The following DOCK2 variants were observed in gnomAD, a reference collection of about 807,000 sequenced individuals.
DOCK2 encodes the protein dedicator of cytokinesis 2.
A neutral mutation model predicts 248.9 loss-of-function variants in DOCK2; 87 were observed. The observed-to-expected ratio is 0.35, with a 90% CI of 0.29 to 0.42. The LOEUF (loss-of-function observed/expected upper bound fraction) is 0.42. Ranked by LOEUF, DOCK2 falls within the 10% of genes least tolerant of loss-of-function variation. DOCK2 has a pLI of 1.00. For synonymous variants in DOCK2, 805 were observed against 821.6 expected, an observed-to-expected ratio of 0.98 and a Z score of 0.35; for missense variants, 1,747 against 2,300.2, an observed-to-expected ratio of 0.76 and a Z score of 4.92.
intron 14 of DOCK2, among the ~76,000 whole-genome samples, chr5:169,705,913 A>C (rs1761232462): frequency 6.6e-6 from 1 of 152,224 alleles, no homozygotes; most frequent in African/African-American, 2.4e-5. Flanking sequence ...ACTGACCTGA[A>C]GTCTCCCACA....
intron 48 of DOCK2, 137 bp downstream of exon 48, chr5:170,077,974 C>A: frequency 1.4e-6 from 1 of 739,214 alleles, no homozygotes; most frequent in Non-Finnish European, 2.2e-6. Flanking sequence ...TTCCCATCTG[C>A]AGTCTCACAA....
intron 27 of DOCK2, among the ~76,000 whole-genome samples, chr5:169,885,167 C>T (rs961926458): frequency 6.6e-5 from 10 of 152,178 alleles, no homozygotes; most frequent in African/African-American, 1.4e-4. Flanking sequence ...TGTACATCCT[C>T]GTCACATTTT....
At chr5:169,672,076 G>A (rs1035046786) in intron 5 of DOCK2, among the ~76,000 whole-genome samples, 2 of 151,816 alleles carry the variant, frequency 1.3e-5, no homozygotes, top group African/African-American at 4.8e-5. Flanking sequence ...GCATGATCTT[G>A]GCTCACTGCA....
rs145215754 is a variant in DOCK2 at position 169,938,800 on chromosome 5, CTT to C, written c.2800-44265_2800-44264del. ...ACTTTTCATTTTTTAACTTTTTACTCTTTTGTAATAACGCTTAGCTTAAAACA... is the reference window on the plus strand; with the variant it reads ...ACTTTTCATTTTTTAACTTTTTACTCTTGTAATAACGCTTAGCTTAAAACA... On this transcript the variant is annotated intron_variant, in intron 27 of 51. Coordinates refer to ENST00000520908, the MANE Select transcript of DOCK2 (RefSeq NM_004946.3). 9.0e-3 allele frequency among the ~76,000 whole-genome samples: 1,364 copies of C among 152,276 alleles called. 64 individuals carry two copies. In the East Asian group the frequency reaches 0.13, roughly 15 times the overall value.
intron 27 of DOCK2, among the ~76,000 whole-genome samples, chr5:169,962,234 G>A (rs1000041994): frequency 6.6e-6 from 1 of 152,138 alleles, no homozygotes; most frequent in Non-Finnish European, 1.5e-5. Context: ...GGCTATTGCT[G>A]TAGTATAAGG....
At position 170,077,821 on chromosome 5, in the gene DOCK2, A is replaced by G. The variant is rs759618902; in HGVS notation, c.4978A>G (p.Lys1660Glu). ...GAATTCTGACTGCAGCACCCCCAGC[A>G]AGCCTACCTCAGAGAGGTCAGTCCC... ...SMNSDCSTPS[K>E]PTSESFDLEL... The change falls in exon 48 of 52, where the codon AAG becomes GAG. Residue 1660 changes from lysine to glutamate, a missense_variant. Transcript: ENST00000520908. The G allele has an allele frequency of 1.2e-6, 2 of 1,613,086 alleles. No homozygotes were observed. The highest frequency in any genetic ancestry group is 1.7e-6 in the Non-Finnish European group (2 of 1,179,828).
chr5:170,008,824 ACAGGGGTTTTAG>A (rs2113810396), intron 32 of DOCK2, 78 bp downstream of exon 32: 3 of 1,558,620 alleles, frequency 1.9e-6, no homozygotes, highest in Non-Finnish European at 2.7e-6. Flanking sequence ...TTGGAGGGCC[ACAGGGGTTTTAG>A]CAGTGGGAGC....
At chr5:169,915,292 A>G (rs1162464080) in intron 27 of DOCK2, among the ~76,000 whole-genome samples, 1 of 152,208 alleles carries the variant, frequency 6.6e-6, no homozygotes, top group Non-Finnish European at 1.5e-5. Flanking sequence ...TTTTAAAGTT[A>G]GTTTTTGGTA....
chr5:169,733,626 T>C (rs1215500415), intron 22 of DOCK2, among the ~76,000 whole-genome samples: 1 of 152,154 alleles, frequency 6.6e-6, no homozygotes, highest in Non-Finnish European at 1.5e-5. Flanking sequence ...GACTTAACTT[T>C]AAGAAATTCT....
At position 170,042,061 on chromosome 5, in the gene DOCK2, C is replaced by T; in HGVS notation, c.3805C>T (p.His1269Tyr). ...ACAGGTCATGCAGACAGGCCAGCAG[C>T]ACCCCCAGACACACCGGCAGCTGAA... ...ASQVMQTGQQ[H>Y]PQTHRQLKET... Residue 1269 changes from histidine to tyrosine, a missense_variant, in exon 38 of 52, where the codon CAC becomes TAC. Coordinates refer to ENST00000520908, the MANE Select transcript of DOCK2 (RefSeq NM_004946.3). 6.2e-7 allele frequency: 1 copy of T among 1,613,772 alleles called. No individual in the cohort carries two copies. Among genetic ancestry groups the T allele is most frequent in the South Asian group, 1.1e-5 (1 of 91,064 alleles).
rs1298670868 is a variant in DOCK2, at chr5:169,879,280, A to ATCTCT, written c.2799+38429_2799+38430insCTCTT. ...GATCACGGCTTAACAAGGCCTGGGG[A>ATCTCT]TGAGTATTTCACATCACTTATTCAT... On this transcript the variant is annotated intron_variant, in intron 27 of 51. Coordinates refer to ENST00000520908, the MANE Select transcript of DOCK2 (RefSeq NM_004946.3). Among the ~76,000 whole-genome samples the ATCTCT allele has an allele frequency of 1.5e-3, 224 of 152,290 alleles. 1 individual carries two copies. Among genetic ancestry groups the ATCTCT allele is most frequent in the African/African-American group, 4.7e-3 (196 of 41,566 alleles).
intron 27 of DOCK2, among the ~76,000 whole-genome samples, chr5:169,960,634 C>G (rs534604172): frequency 6.6e-6 from 1 of 152,204 alleles, no homozygotes; most frequent in South Asian, 2.1e-4. Flanking sequence ...TCTTGGCCAT[C>G]ATTAGTCACC....
intron 27 of DOCK2, among the ~76,000 whole-genome samples, chr5:169,895,900 ACCTT>A (rs1280620161): frequency 2.0e-5 from 3 of 152,002 alleles, no homozygotes; most frequent in Non-Finnish European, 4.4e-5. Context: ...TTGGCTTCCA[ACCTT>A]CCTTCCTTCT....
intron 27 of DOCK2, among the ~76,000 whole-genome samples, chr5:169,963,091 G>T (rs1777157638): frequency 6.6e-6 from 1 of 152,140 alleles, no homozygotes; most frequent in South Asian, 2.1e-4. Flanking sequence ...GGTTCCCCTG[G>T]AATATGTGTT....
At chr5:169,815,499 C>G (rs1768011087) in intron 26 of DOCK2, among the ~76,000 whole-genome samples, 1 of 152,144 alleles carries the variant, frequency 6.6e-6, no homozygotes, top group Non-Finnish European at 1.5e-5. Context: ...CCTCTCAGAG[C>G]CAGGATGAGG....
chr5:169,667,597 T>C (rs868825839), intron 2 of DOCK2, among the ~76,000 whole-genome samples: 4 of 152,136 alleles, frequency 2.6e-5, no homozygotes, highest in Non-Finnish European at 5.9e-5. Context: ...CGCAGCAGGG[T>C]GTTGCTTGAG....
intron 26 of DOCK2, among the ~76,000 whole-genome samples, chr5:169,828,497 G>T (rs962776593): frequency 7.9e-5 from 12 of 152,126 alleles, no homozygotes; most frequent in African/African-American, 2.9e-4. Context: ...TTTGATTTGG[G>T]GAAACCCTGC....
At chr5:169,670,860 G>A (rs1257141166) in intron 4 of DOCK2, among the ~76,000 whole-genome samples, 2 of 152,170 alleles carry the variant, frequency 1.3e-5, no homozygotes, top group Non-Finnish European at 2.9e-5. Context: ...TATTAAAGTA[G>A]ATTAATCCTA....
intron 25 of DOCK2, among the ~76,000 whole-genome samples, chr5:169,802,604 T>A (rs558667981): frequency 6.6e-6 from 1 of 152,158 alleles, no homozygotes; most frequent in Non-Finnish European, 1.5e-5. Context: ...AGGTTCAGAG[T>A]AATATATACA....
Sources: gnomAD v4.1 joint callset for allele counts (sites outside exome capture counted in the v4.1 genomes callset) on GRCh38, gnomAD v4.1.1 for gene constraint, MANE v1.5 for transcripts, NCBI Gene and HGNC (gene_info 2026-07-23, HGNC 2026-07-21) for gene names.